The following SLC5A10 variants were observed in gnomAD, a reference collection of about 807,000 sequenced individuals.
The protein encoded by SLC5A10 is sodium/mannose cotransporter SLC5A10.
A neutral mutation model predicts 68.9 loss-of-function variants in SLC5A10; 55 were observed. The observed-to-expected ratio is 0.80, with a 90% CI of 0.64 to 1.00. SLC5A10 has a LOEUF of 1.00. Ranked by LOEUF, SLC5A10 falls within the 50% of genes least tolerant of loss-of-function variation. SLC5A10 has a pLI of 0.00. For synonymous variants in SLC5A10, 344 were observed against 344.8 expected (o/e 1.00, Z 0.02); for missense variants, 732 against 819.3 (o/e 0.89, Z 1.30).
intron 9 of SLC5A10, chr17:18,977,692 G>A (rs749024147): frequency 6.2e-7 from 1 of 1,610,268 alleles, no homozygotes; most frequent in African/African-American, 1.3e-5. Context: ...GTCCAACAAA[G>A]GTCCCTCGGG....
intron 10 of SLC5A10, 71 bp from the exon 11 acceptor site, chr17:19,014,978 G>T: frequency 1.3e-6 from 2 of 1,549,872 alleles, no homozygotes; most frequent in East Asian, 2.3e-5. Context: ...AGGCATTAGA[G>T]CCCAGGCGGG....
At chr17:18,963,036 G>A (rs1359877382) in intron 5 of SLC5A10, among the ~76,000 whole-genome samples, 3 of 152,138 alleles carry the variant, frequency 2.0e-5, no homozygotes, top group South Asian at 2.1e-4. Context: ...TAGGCAACAC[G>A]GTGAAACTCC....
chr17:18,980,304 G>A (rs1355346873), intron 9 of SLC5A10, among the ~76,000 whole-genome samples: 1 of 152,166 alleles, frequency 6.6e-6, no homozygotes, highest in Non-Finnish European at 1.5e-5. Flanking sequence ...CCAGCACCCA[G>A]GCCAGGTCCT....
intron 9 of SLC5A10, among the ~76,000 whole-genome samples, chr17:18,986,560 C>A (rs1286958945): frequency 6.6e-6 from 1 of 152,210 alleles, no homozygotes; most frequent in Non-Finnish European, 1.5e-5. Flanking sequence ...CCAGGCACTC[C>A]AGGCCCCCCA....
At chr17:19,016,904 T>C (rs1329900032) in intron 11 of SLC5A10, among the ~76,000 whole-genome samples, 1 of 152,148 alleles carries the variant, frequency 6.6e-6, no homozygotes, top group Non-Finnish European at 1.5e-5. Flanking sequence ...GATGCCCTCC[T>C]GCCACCCAGT....
chr17:18,995,041 G>T (rs1011991516), intron 9 of SLC5A10, among the ~76,000 whole-genome samples: 2 of 152,038 alleles, frequency 1.3e-5, no homozygotes, highest in African/African-American at 4.8e-5. Context: ...CCCAGAACAA[G>T]GCTCCAAAAT....
chr17:19,006,382 TTTTTTTC>T (rs201628555), intron 9 of SLC5A10, among the ~76,000 whole-genome samples: 391 of 151,300 alleles, frequency 2.6e-3, no homozygotes, highest in Non-Finnish European at 3.7e-3. Context: ...CCCAGCTAAT[TTTTTTTC>T]TTTTTTCTTT....
chr17:19,005,749 C>G (rs1730841771), intron 9 of SLC5A10, among the ~76,000 whole-genome samples: 1 of 152,138 alleles, frequency 6.6e-6, no homozygotes, highest in South Asian at 2.1e-4. Context: ...GGCCCAGCAT[C>G]CTTGTGGTCC....
At position 18,988,445 on chromosome 17, in the gene SLC5A10, CAG is replaced by C. The variant is rs374032768; in HGVS notation, c.982+11458_982+11459del. The stretch of plus-strand genomic sequence containing the variant: ...AGCAAGAAGAGAGACTAGGGCCTGT[CAG>C]ACAGTGCAGCAGTGGGGACAGGGTG... On this transcript the variant is annotated intron_variant, in intron 9 of 14. Coordinates refer to ENST00000395645, the MANE Select transcript of SLC5A10 (RefSeq NM_001042450.4). 1.9e-5 allele frequency: 31 copies of C among 1,611,344 alleles called. No homozygotes were observed. In the African/African-American group the frequency reaches 2.5e-4, roughly 13 times the overall value.
intron 1 of SLC5A10, among the ~76,000 whole-genome samples, chr17:18,958,383 GAAT>G (rs1464063450): frequency 1.3e-5 from 2 of 152,196 alleles, no homozygotes; most frequent in Non-Finnish European, 2.9e-5. Context: ...TTTGAAGACT[GAAT>G]AATATTTCTT....
chr17:18,977,105 C>G, intron 9 of SLC5A10, 116 bp downstream of exon 9: 8 of 1,405,688 alleles, frequency 5.7e-6, no homozygotes, highest in Non-Finnish European at 7.7e-6. Context: ...TGTTCCCCAA[C>G]CTGGGGAGTG....
intron 9 of SLC5A10, chr17:18,977,770 G>A (rs972543410): frequency 1.2e-6 from 2 of 1,603,288 alleles, no homozygotes; most frequent in African/African-American, 1.3e-5. Context: ...GCTCTGAGTG[G>A]CGCCTCCGGA....
intron 9 of SLC5A10, 83 bp downstream of exon 9, chr17:18,977,072 A>G (rs1031124909): frequency 1.1e-5 from 17 of 1,571,478 alleles, no homozygotes; most frequent in Non-Finnish European, 1.5e-5. Context: ...CACCAGAAGA[A>G]GAGGCAAAGG....
intron 8 of SLC5A10, among the ~76,000 whole-genome samples, chr17:18,974,691 C>T (rs764095913): frequency 2.6e-5 from 4 of 152,266 alleles, no homozygotes; most frequent in Non-Finnish European, 4.4e-5. Flanking sequence ...CTCACATTCA[C>T]CGGAGGCCCT....
At chr17:18,951,293 G>A (rs1471787327), upstream of SLC5A10, among the ~76,000 whole-genome samples, 1 of 152,244 alleles carries the variant, frequency 6.6e-6, no homozygotes, top group African/African-American at 2.4e-5. Flanking sequence ...CTGTCACTGC[G>A]GTGGAGACGG....
intron 9 of SLC5A10, among the ~76,000 whole-genome samples, chr17:19,001,781 TA>T (rs2043735105): frequency 2.0e-5 from 3 of 151,984 alleles, no homozygotes; most frequent in Non-Finnish European, 4.4e-5. Flanking sequence ...TGGGAGCCCC[TA>T]TCTGGCCCAT....
chr17:18,997,406 A>G (rs1018828482), intron 9 of SLC5A10, among the ~76,000 whole-genome samples: 5 of 152,252 alleles, frequency 3.3e-5, no homozygotes, highest in African/African-American at 1.2e-4. Context: ...GGAGCTTCAG[A>G]ATCCTCAGAG....
intron 8 of SLC5A10, among the ~76,000 whole-genome samples, chr17:18,975,129 C>T (rs934008791): frequency 6.6e-6 from 1 of 152,190 alleles, no homozygotes; most frequent in African/African-American, 2.4e-5. Context: ...TAGGGAAATG[C>T]TTCTCTCCCA....
chr17:18,982,392 C>T (rs2043160863), intron 9 of SLC5A10, among the ~76,000 whole-genome samples: 2 of 152,206 alleles, frequency 1.3e-5, no homozygotes, highest in South Asian at 2.1e-4. Flanking sequence ...ACTCTGGGCT[C>T]GTGTGCGCAG....
Sources: gnomAD v4.1 joint callset for allele counts (sites outside exome capture counted in the v4.1 genomes callset) on GRCh38, gnomAD v4.1.1 for gene constraint, MANE v1.5 for transcripts, NCBI Gene and HGNC (gene_info 2026-07-23, HGNC 2026-07-21) for gene names.